The following NEDD4L variants were observed in gnomAD, a reference collection of about 807,000 sequenced individuals.
NEDD4L encodes the protein E3 ubiquitin-protein ligase NEDD4-like.
Under a neutral mutation model 148.9 loss-of-function variants are expected in NEDD4L, and 54 were observed. That is an observed-to-expected ratio of 0.36 (90% CI 0.29 to 0.45). NEDD4L has a LOEUF of 0.45. Among genes scored for constraint, NEDD4L ranks in the 20% least tolerant of loss-of-function variants. The pLI is 1.00. For synonymous variants in NEDD4L, 433 were observed against 440.7 expected (o/e 0.98, Z 0.22); for missense variants, 856 against 1,233.8 (o/e 0.69, Z 4.59).
rs2040502175 is a variant in NEDD4L at position 58,194,996 on chromosome 18, TCCAAA to T, written c.122+29136_122+29140del. Reference sequence around the variant, plus strand: ...TGTCACGAAGCTAGTGGAGATGGGATCCAAAGCTAGTTTTGGCTGATGAAAATACA... The same window carrying T: ...TGTCACGAAGCTAGTGGAGATGGGATGCTAGTTTTGGCTGATGAAAATACA... On this transcript the variant is annotated intron_variant, in intron 2 of 30. Transcript: ENST00000400345. Among the ~76,000 whole-genome samples the T allele has an allele frequency of 7.2e-5, 11 of 152,238 alleles. No individual in the cohort carries two copies. In the South Asian group the frequency reaches 2.3e-3, roughly 32 times the overall value.
In NEDD4L at chr18:58,202,458, C is replaced by A. The variant is rs144867481; in HGVS notation, c.122+36597C>A. 8.6e-4 allele frequency among the ~76,000 whole-genome samples: 131 copies of A among 152,384 alleles called. 1 individual carries two copies. Among genetic ancestry groups the A allele is most frequent in the African/African-American group, 2.9e-3 (121 of 41,584 alleles). ...TGCCCCAGAGGGGCTGAGATAGAATCTACCAATTACTGGATTCCCTGGGTG... is the reference window on the plus strand; with the variant it reads ...TGCCCCAGAGGGGCTGAGATAGAATATACCAATTACTGGATTCCCTGGGTG... On this transcript the variant is annotated intron_variant, in intron 2 of 30. Transcript: ENST00000400345.
intron 24 of NEDD4L, among the ~76,000 whole-genome samples, 167 bp from the exon 25 acceptor site, chr18:58,383,079 C>G (rs961249564): frequency 3.3e-5 from 5 of 152,158 alleles, no homozygotes; most frequent in African/African-American, 1.2e-4. Flanking sequence ...TGTGTAACAT[C>G]CTAGCAAAAA....
chr18:58,301,510 C>T (rs186598365), intron 5 of NEDD4L, among the ~76,000 whole-genome samples: 40 of 152,344 alleles, frequency 2.6e-4, no homozygotes, highest in Admixed American at 2.5e-3. Flanking sequence ...CAGACATCTG[C>T]TGTCTTTCAG....
At chr18:58,068,348 T>C (rs993151522) in intron 1 of NEDD4L, among the ~76,000 whole-genome samples, 6 of 152,164 alleles carry the variant, frequency 3.9e-5, no homozygotes, top group Admixed American at 1.3e-4. Context: ...TACAGGCGCC[T>C]GCCACCACGC....
chr18:58,184,626 G>A (rs1397789855), intron 2 of NEDD4L, among the ~76,000 whole-genome samples: 2 of 151,986 alleles, frequency 1.3e-5, no homozygotes, highest in African/African-American at 2.4e-5. Context: ...TTGGTTTTTG[G>A]GTTTAAGAAA....
At chr18:58,347,222 C>A (rs535362380) in intron 16 of NEDD4L, among the ~76,000 whole-genome samples, 2 of 109,734 alleles carry the variant, frequency 1.8e-5, no homozygotes, top group Non-Finnish European at 3.8e-5. Flanking sequence ...CCGCCCCCCC[C>A]CCCCCTTTAA....
intron 30 of NEDD4L, among the ~76,000 whole-genome samples, chr18:58,395,173 T>G (rs1370778128): frequency 6.6e-6 from 1 of 152,172 alleles, no homozygotes; most frequent in East Asian, 1.9e-4. Context: ...TACGTCATAA[T>G]GAGCTGTGGC....
At chr18:58,229,772 G>A (rs528507474) in intron 2 of NEDD4L, among the ~76,000 whole-genome samples, 69 of 152,092 alleles carry the variant, frequency 4.5e-4, no homozygotes, top group African/African-American at 1.3e-3. Context: ...CGGGCGGATC[G>A]TGAGGTCAGG....
intron 28 of NEDD4L, chr18:58,389,591 T>C (rs1474882113): frequency 1.2e-5 from 2 of 162,786 alleles, no homozygotes; most frequent in Non-Finnish European, 2.7e-5. Context: ...TTAAAATATA[T>C]TCCAACAAAT....
chr18:58,284,571 GA>G (rs2053624994), intron 5 of NEDD4L, among the ~76,000 whole-genome samples: 1 of 116,306 alleles, frequency 8.6e-6, no homozygotes, highest in Non-Finnish European at 1.8e-5. Context: ...TATACGAATA[GA>G]AGTAACTTCT....
chr18:58,170,179 C>A (rs1568322767), intron 2 of NEDD4L, among the ~76,000 whole-genome samples: 1 of 152,172 alleles, frequency 6.6e-6, no homozygotes, highest in Non-Finnish European at 1.5e-5. Context: ...CTGCCTTTTG[C>A]CTTTGCCTGT....
chr18:58,175,724 C>A (rs1047036248), intron 2 of NEDD4L, among the ~76,000 whole-genome samples: 1 of 152,230 alleles, frequency 6.6e-6, no homozygotes, highest in East Asian at 1.9e-4. Context: ...TTCCCACCCC[C>A]CAAACCGAAA....
At position 58,323,073 on chromosome 18, in the gene NEDD4L, G is replaced by T. The variant is rs1266819429; in HGVS notation, c.411-159G>T. 3.2e-5 allele frequency among the ~76,000 whole-genome samples: 3 copies of T among 94,786 alleles called. No individual in the cohort carries two copies. The East Asian group carries it at 9.7e-4, about 31-fold the overall frequency. 62.2% of individuals were successfully genotyped at this position (94,786 alleles called of 152,430 possible). A position where few individuals can be genotyped will look rare whatever the true frequency, so the allele number is the denominator to read the frequency against. On this transcript the variant is annotated intron_variant, in intron 7 of 30. Transcript: ENST00000400345. ...GGGATGCCTGCCCTGTGTGCTGTGG[G>T]TATGGGTGGGTGGGGATGCCTGCCC...
chr18:58,163,063 CAAAAAAAAGAAAA>C (rs1401402467), intron 1 of NEDD4L, among the ~76,000 whole-genome samples: 6 of 103,008 alleles, frequency 5.8e-5, no homozygotes, highest in East Asian at 2.7e-4. Flanking sequence ...GACTCTGTCT[CAAAAAAAAGAAAA>C]AAAAAAAAGA....
At chr18:58,285,326 GGTGTGTGTGT>G (rs56971358) in intron 5 of NEDD4L, among the ~76,000 whole-genome samples, 89 of 150,652 alleles carry the variant, frequency 5.9e-4, no homozygotes, top group African/African-American at 1.8e-3. Flanking sequence ...TGTGTGTGTG[GGTGTGTGTGT>G]GTGTGTGTTT....
chr18:58,102,793 T>G (rs1377132445), intron 1 of NEDD4L, among the ~76,000 whole-genome samples: 1 of 152,220 alleles, frequency 6.6e-6, no homozygotes, highest in East Asian at 1.9e-4. Context: ...TGTCAGAGAC[T>G]TGAGGATCTG....
At chr18:58,304,098 G>T (rs758920530) in intron 5 of NEDD4L, among the ~76,000 whole-genome samples, 3 of 152,076 alleles carry the variant, frequency 2.0e-5, no homozygotes, top group Non-Finnish European at 4.4e-5. Context: ...GAGAGTTGCT[G>T]CTATATCTAG....
chr18:58,307,619 G>T (rs566948628), intron 5 of NEDD4L, among the ~76,000 whole-genome samples: 1 of 152,292 alleles, frequency 6.6e-6, no homozygotes, highest in African/African-American at 2.4e-5. Context: ...CGTGTAATTT[G>T]TTGTTGCTGG....
At chr18:58,305,827 T>A (rs2056992645) in intron 5 of NEDD4L, among the ~76,000 whole-genome samples, 1 of 152,170 alleles carries the variant, frequency 6.6e-6, no homozygotes, top group Non-Finnish European at 1.5e-5. Flanking sequence ...TTTCCATTGC[T>A]GTCATCTAAA....
Sources: gnomAD v4.1 joint callset for allele counts (sites outside exome capture counted in the v4.1 genomes callset) on GRCh38, gnomAD v4.1.1 for gene constraint, MANE v1.5 for transcripts, NCBI Gene and HGNC (gene_info 2026-07-23, HGNC 2026-07-21) for gene names.